Variants in XRRA1 observed in about 807,000 individuals in gnomAD.
The protein encoded by XRRA1 is X-ray radiation resistance associated 1, also known as X-ray radiation resistance-associated protein 1.
A neutral mutation model predicts 80.2 loss-of-function variants in XRRA1; 69 were observed. The observed-to-expected ratio is 0.86, with a 90% CI of 0.71 to 1.05. The LOEUF (loss-of-function observed/expected upper bound fraction) is 1.05, where lower values mean the gene tolerates loss of function less well. Among genes scored for constraint, XRRA1 ranks in the 50% least tolerant of loss-of-function variants. The pLI is 0.00. For synonymous variants in XRRA1, 348 were observed against 389.9 expected, an observed-to-expected ratio of 0.89 and a Z score of 1.27; for missense variants, 967 against 976.4, an observed-to-expected ratio of 0.99 and a Z score of 0.13.
At chr11:74,851,415 G>A (rs1439542025) in intron 13 of XRRA1, among the ~76,000 whole-genome samples, 1 of 152,120 alleles carries the variant, frequency 6.6e-6, no homozygotes, top group Non-Finnish European at 1.5e-5. Flanking sequence ...GCACAGAGAG[G>A]CTAAGGAATT....
intron 7 of XRRA1, 133 bp downstream of exon 7, chr11:74,927,258 C>G: frequency 3.1e-6 from 1 of 317,786 alleles, no homozygotes; most frequent in Non-Finnish European, 5.8e-6. Flanking sequence ...TCCCTGGAGG[C>G]CAGCAATGAA....
rs1436090508 is a variant in XRRA1 at position 74,905,455 on chromosome 11, T to C, written c.1003+784A>G. On this transcript the variant is annotated intron_variant, in intron 10 of 18. Transcript: ENST00000684022. ...AAAACCGTATTTCTGCTTTGACCGCTGGTTTCCTGTTAGACTCTGACAATA... is the reference window on the plus strand; with the variant it reads ...AAAACCGTATTTCTGCTTTGACCGCCGGTTTCCTGTTAGACTCTGACAATA... 2.6e-5 allele frequency among the ~76,000 whole-genome samples: 4 copies of C among 152,224 alleles called. No homozygotes were observed. The East Asian group carries it at 7.7e-4, about 29-fold the overall frequency.
At chr11:74,931,279 T>C (rs1053012344) in intron 5 of XRRA1, among the ~76,000 whole-genome samples, 2 of 152,142 alleles carry the variant, frequency 1.3e-5, no homozygotes, top group Admixed American at 1.3e-4. Context: ...TGTCGATATA[T>C]GCTGCTTTTG....
At chr11:74,923,829 G>A (rs1220770454) in intron 7 of XRRA1, among the ~76,000 whole-genome samples, 1 of 152,132 alleles carries the variant, frequency 6.6e-6, no homozygotes, top group African/African-American at 2.4e-5. Context: ...TAACCCAGGA[G>A]CTAAGAATAA....
intron 14 of XRRA1, among the ~76,000 whole-genome samples, chr11:74,850,505 T>C (rs1438828052): frequency 6.6e-6 from 1 of 152,164 alleles, no homozygotes; most frequent in East Asian, 1.9e-4. Flanking sequence ...GGATCAGCAA[T>C]GCTCAGCCCA....
chr11:74,913,984 TTTTA>T (rs1241529582), intron 8 of XRRA1, among the ~76,000 whole-genome samples: 1 of 152,152 alleles, frequency 6.6e-6, no homozygotes, highest in African/African-American at 2.4e-5. Flanking sequence ...TTTTTATTTA[TTTTA>T]TTTATTTATT....
chr11:74,925,727 G>T (rs1942059743), intron 7 of XRRA1, among the ~76,000 whole-genome samples: 1 of 152,126 alleles, frequency 6.6e-6, no homozygotes, highest in African/African-American at 2.4e-5. Context: ...TCAATCACTA[G>T]ATCCAAGCTA....
chr11:74,936,922 C>A lies in XRRA1; in HGVS notation c.241G>T (p.Val81Leu), dbSNP rs930559986. Residue 81 changes from valine (V) to leucine (L), a missense_variant, in exon 4 of 19, where the codon GTG (valine) becomes TTG (leucine). Physicochemically the swap from Val to Leu is conservative, Grantham distance 32. Transcript: ENST00000684022. ...GKKESRRENQ[V>L]DLPGHILDQA... ...TCCAGGATATGTCCAGGAAGGTCCA[C>A]CTGATTTTCCCGCCGAGACTCTTTC... is the stretch of plus-strand genomic sequence containing the variant. 2 of 1,613,652 alleles carry A rather than the reference C, an allele frequency of 1.2e-6. No homozygotes were observed. The highest frequency in any genetic ancestry group is 1.3e-5 in the African/African-American group (1 of 75,024).
At chr11:74,943,795 C>T (rs984628755) in intron 2 of XRRA1, among the ~76,000 whole-genome samples, 2 of 152,070 alleles carry the variant, frequency 1.3e-5, no homozygotes, top group Non-Finnish European at 2.9e-5. Context: ...AGATTCAACT[C>T]CAGGCTACAT....
chr11:74,877,021 G>C (rs1043860248), intron 10 of XRRA1: 2 of 152,164 alleles, frequency 1.3e-5, no homozygotes, highest in African/African-American at 4.8e-5. Context: ...CACCACCCTT[G>C]TGTAAATTGT....
intron 10 of XRRA1, among the ~76,000 whole-genome samples, chr11:74,884,015 A>G (rs1444588992): frequency 6.6e-6 from 1 of 152,122 alleles, no homozygotes; most frequent in Non-Finnish European, 1.5e-5. Context: ...CTGGGCTAAC[A>G]TGGTGAAACC....
intron 10 of XRRA1, among the ~76,000 whole-genome samples, chr11:74,897,785 G>A (rs2052711185): frequency 1.3e-5 from 2 of 150,278 alleles, no homozygotes; most frequent in South Asian, 2.1e-4. Flanking sequence ...AAGCATGAAG[G>A]AGAAATAAAA....
intron 8 of XRRA1, chr11:74,913,521 G>C (rs2056338875): frequency 6.6e-6 from 1 of 152,136 alleles, no homozygotes; most frequent in Non-Finnish European, 1.5e-5. Context: ...CCAAGCCCCT[G>C]GCACTGTGGA....
chr11:74,898,461 G>A (rs887366378), intron 10 of XRRA1, among the ~76,000 whole-genome samples: 1 of 151,924 alleles, frequency 6.6e-6, no homozygotes, highest in Non-Finnish European at 1.5e-5. Context: ...TAAAGACAAG[G>A]TAGCTAAATG....
At chr11:74,940,377 G>A (rs898387699) in intron 3 of XRRA1, among the ~76,000 whole-genome samples, 7 of 152,210 alleles carry the variant, frequency 4.6e-5, no homozygotes, top group African/African-American at 1.4e-4. Flanking sequence ...TGCTTTACTG[G>A]AAGAAGTAGA....
chr11:74,899,298 AT>A (rs1205940890), intron 10 of XRRA1, among the ~76,000 whole-genome samples: 1 of 152,172 alleles, frequency 6.6e-6, no homozygotes, highest in Non-Finnish European at 1.5e-5. Flanking sequence ...AAGTGCCTAC[AT>A]AAAAAACTAG....
intron 8 of XRRA1, among the ~76,000 whole-genome samples, chr11:74,911,952 A>G (rs1472948405): frequency 6.6e-6 from 1 of 152,216 alleles, no homozygotes; most frequent in Non-Finnish European, 1.5e-5. Context: ...TTCGGATCCT[A>G]AAGGGATACA....
intron 11 of XRRA1, among the ~76,000 whole-genome samples, chr11:74,860,291 C>T (rs1389444952): frequency 6.6e-6 from 1 of 152,196 alleles, no homozygotes; most frequent in African/African-American, 2.4e-5. Context: ...CCAGTGATCC[C>T]AAGGCAATTT....
intron 10 of XRRA1, among the ~76,000 whole-genome samples, chr11:74,886,880 T>C (rs2049160884): frequency 6.6e-6 from 1 of 152,092 alleles, no homozygotes; most frequent in Non-Finnish European, 1.5e-5. Context: ...CATAGGCCAA[T>C]GGAACAGGTT....
Sources: allele counts gnomAD v4.1 joint callset (sites outside exome capture counted in the v4.1 genomes callset), GRCh38; gene constraint gnomAD v4.1.1; transcripts MANE v1.5; gene names NCBI Gene and HGNC (gene_info 2026-07-23, HGNC 2026-07-21).